Variants in VPS13D observed in about 807,000 individuals in gnomAD.
VPS13D encodes vacuolar protein sorting 13 homolog D.
A neutral mutation model predicts 461.9 loss-of-function variants in VPS13D; 187 were observed. The ratio of observed to expected loss-of-function variants is 0.40; its 90% CI spans 0.36 to 0.46. The LOEUF (loss-of-function observed/expected upper bound fraction) is 0.46, where lower values mean the gene tolerates loss of function less well. Ranked by LOEUF, VPS13D falls within the 20% of genes least tolerant of loss-of-function variation. The probability of loss-of-function intolerance (pLI) is 0.60; values close to 1 mark genes in which losing one functional copy is unlikely to be tolerated. For synonymous variants in VPS13D, 1,951 were observed against 1,986.3 expected, an observed-to-expected ratio of 0.98 and a Z score of 0.47; for missense variants, 4,711 against 5,364.9, an observed-to-expected ratio of 0.88 and a Z score of 3.81.
chr1:12,377,485 C>A (rs1469184832), intron 55 of VPS13D, among the ~76,000 whole-genome samples: 2 of 152,154 alleles, frequency 1.3e-5, no homozygotes, highest in Non-Finnish European at 2.9e-5. Flanking sequence ...GGAAGCCCAA[C>A]TGCTGTTTCC....
chr1:12,330,001 A>G (rs1330796785), intron 37 of VPS13D, 83 bp downstream of exon 37: 4 of 536,074 alleles, frequency 7.5e-6, no homozygotes, highest in East Asian at 6.1e-5. Flanking sequence ...TAAATTTTAC[A>G]TGAAGGAAAG....
At chr1:12,316,855 T>C (rs1267149732) in intron 30 of VPS13D, among the ~76,000 whole-genome samples, 1 of 152,004 alleles carries the variant, frequency 6.6e-6, no homozygotes, top group African/African-American at 2.4e-5. Context: ...TCTGAGGCCT[T>C]ATCCATTAGT....
chr1:12,259,774 T>C (rs1641045955), intron 10 of VPS13D, among the ~76,000 whole-genome samples: 1 of 152,192 alleles, frequency 6.6e-6, no homozygotes, highest in African/African-American at 2.4e-5. Context: ...CTGGGTATCA[T>C]GGTTCTTTCC....
At chr1:12,442,386 C>T (rs1645141952) in intron 65 of VPS13D, among the ~76,000 whole-genome samples, 1 of 152,066 alleles carries the variant, frequency 6.6e-6, no homozygotes, top group Admixed American at 6.5e-5. Flanking sequence ...TGTAGTGTGT[C>T]AACTTATTGG....
Position 12,277,419 on chromosome 1 carries a change from A to G in VPS13D, c.3831A>G (p.Arg1277=), listed in dbSNP as rs757321645. ...TEALSFTFVE[R]SKQECFLNLK... ...CTTTGAGTTTCACGTTTGTTGAGAG[A>G]TCTAAACAGGAGTGTTTTCTCAACC... Residue 1277 remains arginine (R), a synonymous_variant, in exon 19 of 70, where the codon AGA becomes AGG. Transcript: ENST00000620676. 4.8e-5 allele frequency: 77 copies of G among 1,614,082 alleles called. No individual in the cohort carries two copies. The highest frequency in any genetic ancestry group is 6.4e-5 in the Non-Finnish European group (75 of 1,180,050).
chr1:12,234,427 G>A, intron 2 of VPS13D, 64 bp downstream of exon 2: 5 of 1,366,520 alleles, frequency 3.7e-6, no homozygotes, highest in Non-Finnish European at 5.1e-6. Flanking sequence ...TATTTTTTTT[G>A]TTGTCCTGAG....
In VPS13D at chr1:12,497,491, C is replaced by T; in HGVS notation, c.12663-9C>T. 6.2e-7 allele frequency: 1 copy of T among 1,607,540 alleles called. No individual in the cohort carries two copies. The highest frequency in any genetic ancestry group is 8.5e-7 in the Non-Finnish European group (1 of 1,176,720). ...AACCTCTTGGCTTTATGTCCATTTA[C>T]CCATCTAGGACTCAAGCACAGAGGG... On this transcript the variant is annotated splice_polypyrimidine_tract_variant and intron_variant, in intron 67 of 69. Coordinates refer to ENST00000620676, the MANE Select transcript of VPS13D (RefSeq NM_015378.4).
At chr1:12,358,412 ACTTT>A in intron 49 of VPS13D, 43 bp from the exon 50 acceptor site, 1 of 1,607,074 alleles carries the variant, frequency 6.2e-7, no homozygotes. Flanking sequence ...GGCAGATAAG[ACTTT>A]CTTGTGGATG....
intron 65 of VPS13D, among the ~76,000 whole-genome samples, chr1:12,442,400 G>C (rs1314743130): frequency 6.6e-6 from 1 of 152,126 alleles, no homozygotes; most frequent in East Asian, 1.9e-4. Context: ...TTATTGGACA[G>C]TGTGGCTGTA....
chr1:12,371,649 T>A (rs574721866), intron 54 of VPS13D, among the ~76,000 whole-genome samples: 2 of 152,300 alleles, frequency 1.3e-5, no homozygotes, highest in South Asian at 4.1e-4. Context: ...CACCTCTGCC[T>A]CCCAAAGTGC....
intron 67 of VPS13D, among the ~76,000 whole-genome samples, chr1:12,474,818 C>T (rs1232317256): frequency 2.6e-5 from 4 of 152,188 alleles, no homozygotes; most frequent in Admixed American, 6.5e-5. Flanking sequence ...GGAGGTAGCT[C>T]TTGGGGGAAT....
Position 12,507,965 on chromosome 1 carries a change from C to A in VPS13D, c.13035+872C>A, listed in dbSNP as rs2100569644. On this transcript the variant is annotated intron_variant, in intron 69 of 69. Transcript: ENST00000620676. The surrounding 1 kb of genome is among the most constrained non-coding windows in gnomAD (Gnocchi z 5.3). The stretch of plus-strand genomic sequence containing the variant: ...AAGGGCCTGCCCACCTCTGCTCTCT[C>A]TATGGATCGGAAATAGCGCCAGCCT... Among the ~76,000 whole-genome samples, 1 of 152,402 alleles carries A rather than the reference C, an allele frequency of 6.6e-6. No individual in the cohort carries two copies. Among genetic ancestry groups the A allele is most frequent in the Non-Finnish European group, 1.5e-5 (1 of 68,044 alleles).
intron 60 of VPS13D, among the ~76,000 whole-genome samples, chr1:12,397,994 C>T (rs548002643): frequency 3.3e-5 from 5 of 152,048 alleles, no homozygotes; most frequent in Non-Finnish European, 7.4e-5. Flanking sequence ...TTCATGCAGG[C>T]CTTAGAGGCT....
At chr1:12,435,095 C>T (rs1251014131) in intron 65 of VPS13D, among the ~76,000 whole-genome samples, 3 of 152,156 alleles carry the variant, frequency 2.0e-5, no homozygotes, top group African/African-American at 7.2e-5. Context: ...TTACATTTAT[C>T]TTTATTTCTC....
chr1:12,390,181 G>A (rs1337323171), intron 60 of VPS13D, among the ~76,000 whole-genome samples: 2 of 152,174 alleles, frequency 1.3e-5, no homozygotes, highest in Admixed American at 1.3e-4. Flanking sequence ...TGGATCATTA[G>A]GGGTGATGAT....
At chr1:12,405,994 G>A (rs934278227) in intron 63 of VPS13D, among the ~76,000 whole-genome samples, 4 of 152,146 alleles carry the variant, frequency 2.6e-5, no homozygotes, top group Admixed American at 6.5e-5. Flanking sequence ...GTGTGCGCTC[G>A]GCATACAATC....
chr1:12,330,910 G>T (rs1012788447), intron 37 of VPS13D, among the ~76,000 whole-genome samples: 3 of 152,104 alleles, frequency 2.0e-5, no homozygotes, highest in Non-Finnish European at 4.4e-5. Flanking sequence ...CACTGGGTTT[G>T]TTTGTTTTAT....
intron 65 of VPS13D, among the ~76,000 whole-genome samples, chr1:12,418,119 GCTGGTCTCGAA>G (rs964384166): frequency 2.6e-5 from 4 of 152,120 alleles, no homozygotes; most frequent in Non-Finnish European, 2.9e-5. Flanking sequence ...ATTTGGCCAG[GCTGGTCTCGAA>G]CTCCTGACCT....
Position 12,266,990 on chromosome 1 carries a change from T to C in VPS13D, c.1704T>C (p.Pro568=). 1 of 1,605,902 alleles carries C rather than the reference T, an allele frequency of 6.2e-7. No individual in the cohort carries two copies. The highest frequency in any genetic ancestry group is 8.5e-7 in the Non-Finnish European group (1 of 1,177,416). The change falls in exon 14 of 70, where the codon CCT becomes CCC. Residue 568 remains proline (P), a synonymous_variant. Coordinates refer to ENST00000620676, the MANE Select transcript of VPS13D (RefSeq NM_015378.4). ...TGGCTACAGAAGGAACTATGTTTCC[T>C]CTTCTAGTCTTCCCTAATCCAGTAT... The part of the protein sequence containing the change: ...RDLATEGTMF[P]LLVFPNPQKE...
Sources: allele counts gnomAD v4.1 joint callset (sites outside exome capture counted in the v4.1 genomes callset), GRCh38; gene constraint gnomAD v4.1.1; non-coding constraint Gnocchi (gnomAD v3.1); transcripts MANE v1.5; gene names NCBI Gene and HGNC (gene_info 2026-07-23, HGNC 2026-07-21).